Variants in TULP3 observed in about 807,000 individuals in gnomAD.
The protein encoded by TULP3 is TUB like protein 3, also known as tubby-related protein 3.
In TULP3, 38 loss-of-function variants were observed where a neutral mutation model predicts 50.7. The observed-to-expected ratio is 0.75, with a 90% CI of 0.58 to 0.98. TULP3 has a LOEUF of 0.98. TULP3 is among the 50% of genes least tolerant of loss of function. The pLI is 0.00. For synonymous variants in TULP3, 183 were observed against 196.6 expected, an observed-to-expected ratio of 0.93 and a Z score of 0.58; for missense variants, 550 against 568.0, an observed-to-expected ratio of 0.97 and a Z score of 0.32.
intron 4 of TULP3, among the ~76,000 whole-genome samples, chr12:2,927,125 C>T (rs1014568532): frequency 2.0e-5 from 3 of 152,064 alleles, no homozygotes; most frequent in South Asian, 2.1e-4. Context: ...TAGAATCATA[C>T]ACTATTTGTC....
chr12:2,933,385 T>G (rs1229454626), intron 6 of TULP3, 33 bp from the exon 7 acceptor site: 16 of 1,476,570 alleles, frequency 1.1e-5, no homozygotes, highest in African/African-American at 5.5e-5. Context: ...TTCTCTGGAC[T>G]TCATTTTTGA....
rs188483062 is a variant in TULP3, at chr12:2,923,056, G to A, written c.394+654G>A. 1.9e-3 allele frequency among the ~76,000 whole-genome samples: 286 copies of A among 151,744 alleles called. 3 individuals carry two copies. Among genetic ancestry groups the A allele is most frequent in the African/African-American group, 5.7e-3 (237 of 41,410 alleles). ...TTTTTTAGTAGAGACGGGGTTTCAC[G>A]GTGTTAGCCAGGATGGTATCAATCT... On this transcript the variant is annotated intron_variant, in intron 4 of 10. Transcript: ENST00000448120.
chr12:2,917,964 C>T (rs1197165783), intron 2 of TULP3, among the ~76,000 whole-genome samples: 1 of 151,856 alleles, frequency 6.6e-6, no homozygotes, highest in Non-Finnish European at 1.5e-5. Flanking sequence ...TGGCAGGTGC[C>T]TGTTATCCTA....
intron 1 of TULP3, among the ~76,000 whole-genome samples, chr12:2,899,637 T>C (rs1166227681): frequency 6.6e-6 from 1 of 152,218 alleles, no homozygotes; most frequent in Non-Finnish European, 1.5e-5. Context: ...CTCACGCCTG[T>C]AATCCCAGCA....
intron 1 of TULP3, among the ~76,000 whole-genome samples, chr12:2,899,749 C>G (rs1054473022): frequency 1.3e-5 from 2 of 151,760 alleles, no homozygotes; most frequent in Non-Finnish European, 2.9e-5. Context: ...AAAAATTAGC[C>G]GGGTGTGGTG....
At chr12:2,916,817 T>G (rs1306131120) in intron 2 of TULP3, among the ~76,000 whole-genome samples, 1 of 152,266 alleles carries the variant, frequency 6.6e-6, no homozygotes, top group Non-Finnish European at 1.5e-5. Flanking sequence ...ATTTGTAAAC[T>G]TGGACAGTAG....
At position 2,938,268 on chromosome 12, in the gene TULP3, T is replaced by C. The variant is rs985314972; in HGVS notation, c.1178T>C (p.Ile393Thr). The change falls in exon 10 of 11, where the codon ATA (isoleucine) becomes ACA (threonine). Residue 393 changes from isoleucine (I) to threonine (T), a missense_variant. Physicochemically the swap from Ile to Thr is moderately conservative, Grantham distance 89. Transcript: ENST00000448120. ...VTQASVKNFQ[I>T]VHKNDPDYIV... ...CAGGCGTCTGTGAAGAACTTCCAGA[T>C]AGTCCACAAAAATGACCGTAAGCCT... 2.7e-5 allele frequency: 44 copies of C among 1,613,876 alleles called. No individual in the cohort carries two copies. Among genetic ancestry groups the C allele is most frequent in the Non-Finnish European group, 3.7e-5 (44 of 1,179,958 alleles).
chr12:2,940,617 G>A lies in TULP3; in HGVS notation c.*1173G>A. ...GCATCCCTTGTGCACAGAACTGTTT[G>A]CCAGCGTTGGGTGGGACACCCGTGG... On this transcript the variant is annotated 3_prime_UTR_variant, in exon 11 of 11. Coordinates refer to ENST00000448120, the MANE Select transcript of TULP3 (RefSeq NM_003324.5). The A allele has an allele frequency of 6.4e-7, 1 of 1,551,756 alleles. No individual in the cohort carries two copies. Among genetic ancestry groups the A allele is most frequent in the African/African-American group, 1.4e-5 (1 of 73,178 alleles).
intron 1 of TULP3, among the ~76,000 whole-genome samples, chr12:2,895,539 A>G (rs927248884): frequency 1.6e-4 from 25 of 152,208 alleles, no homozygotes; most frequent in African/African-American, 5.5e-4. Flanking sequence ...GTGTAAAAAC[A>G]TGGCCTTCGA....
intron 8 of TULP3, among the ~76,000 whole-genome samples, chr12:2,936,664 G>A (rs2098201458): frequency 6.6e-6 from 1 of 151,748 alleles, no homozygotes. Context: ...CAGGAAAATT[G>A]CTTGAACCCG....
chr12:2,899,270 A>G (rs1429128430), intron 1 of TULP3, among the ~76,000 whole-genome samples: 2 of 145,348 alleles, frequency 1.4e-5, no homozygotes, highest in African/African-American at 2.5e-5. Context: ...GCTTGAACCC[A>G]GGAGGCTGAG....
intron 8 of TULP3, among the ~76,000 whole-genome samples, chr12:2,936,715 C>T (rs2098201478): frequency 6.6e-6 from 1 of 151,864 alleles, no homozygotes; most frequent in Non-Finnish European, 1.5e-5. Flanking sequence ...TGCCATTATA[C>T]TCCAGCCTGG....
intron 1 of TULP3, among the ~76,000 whole-genome samples, chr12:2,896,854 A>T (rs1453199409): frequency 6.6e-6 from 1 of 152,178 alleles, no homozygotes; most frequent in Non-Finnish European, 1.5e-5. Flanking sequence ...TGTCAAGGTT[A>T]TCGTGAAAAT....
intron 3 of TULP3, among the ~76,000 whole-genome samples, chr12:2,921,969 G>C (rs1207096779): frequency 6.6e-6 from 1 of 151,948 alleles, no homozygotes; most frequent in African/African-American, 2.4e-5. Flanking sequence ...TGTAGTCCCA[G>C]CTACTCGGGG....
chr12:2,924,873 A>T (rs560880230), intron 4 of TULP3, among the ~76,000 whole-genome samples: 28 of 152,094 alleles, frequency 1.8e-4, no homozygotes, highest in East Asian at 5.8e-4. Context: ...AATTAAAAAT[A>T]AAAATTAATT....
intron 2 of TULP3, among the ~76,000 whole-genome samples, chr12:2,917,035 T>G (rs2098189049): frequency 6.6e-6 from 1 of 152,172 alleles, no homozygotes; most frequent in African/African-American, 2.4e-5. Flanking sequence ...GTCAGTGAAC[T>G]GGATATAACC....
chr12:2,939,904 G>A lies in TULP3; in HGVS notation c.*460G>A. ...GGGTGAGAGATGATTTAAAGCACAG[G>A]GAGATTCTTGTCACATTGGGGTCTC... On this transcript the variant is annotated 3_prime_UTR_variant, in exon 11 of 11. Coordinates refer to ENST00000448120, the MANE Select transcript of TULP3 (RefSeq NM_003324.5). This position sits in a 1 kb window ranked among gnomAD's most constrained non-coding sequence, Gnocchi z 4.0. The A allele has an allele frequency of 8.0e-7, 1 of 1,250,292 alleles. No homozygotes were observed. Among genetic ancestry groups the A allele is most frequent in the Admixed American group, 2.5e-5 (1 of 40,798 alleles). The allele number at this position is 1,250,292 out of a possible 1,614,324, so 77.4% of individuals were successfully genotyped here. A position where few individuals can be genotyped will look rare whatever the true frequency, so the allele number is the denominator to read the frequency against.
chr12:2,912,177 T>TATTCAGCTGTGTGATTTTAGGTAAAG (rs2098186071), intron 2 of TULP3, among the ~76,000 whole-genome samples: 2 of 152,216 alleles, frequency 1.3e-5, no homozygotes, highest in Non-Finnish European at 2.9e-5. Flanking sequence ...GCTCTGCCAT[T>TATTCAGCTGTGTGATTTTAGGTAAAG]ATTCAGCTGT....
chr12:2,897,474 C>T (rs1353132592), intron 1 of TULP3, among the ~76,000 whole-genome samples: 1 of 152,030 alleles, frequency 6.6e-6, no homozygotes, highest in Non-Finnish European at 1.5e-5. Flanking sequence ...TATTGTAAAA[C>T]AAAAATCTTC....
Sources: gnomAD v4.1 joint callset for allele counts (sites outside exome capture counted in the v4.1 genomes callset) on GRCh38, gnomAD v4.1.1 for gene constraint, Gnocchi (gnomAD v3.1) non-coding constraint, MANE v1.5 for transcripts, NCBI Gene and HGNC (gene_info 2026-07-23, HGNC 2026-07-21) for gene names.